PRELID2: variants seen among roughly 807,000 people sequenced by gnomAD.
PRELID2 encodes the protein PRELI domain-containing protein 2.
Under a neutral mutation model 28.4 loss-of-function variants are expected in PRELID2, and 25 were observed. The observed-to-expected ratio is 0.88, with a 90% CI of 0.64 to 1.23. PRELID2 has a LOEUF of 1.23. PRELID2 is among the 50% of genes most tolerant of loss of function. PRELID2 has a pLI of 0.00. For synonymous variants in PRELID2, 76 were observed against 71.6 expected (o/e 1.06, Z -0.31); for missense variants, 201 against 214.4 (o/e 0.94, Z 0.39).
At chr5:145,296,636 G>C in the PRELID2 span, among the ~76,000 whole-genome samples, 1 of 152,122 alleles carries the variant, frequency 6.6e-6, no homozygotes, top group Non-Finnish European at 1.5e-5. Context: ...ATTGTGAATA[G>C]TGCCGCAATA....
intron 1 of PRELID2, among the ~76,000 whole-genome samples, chr5:145,540,234 CT>C (rs1752734676): frequency 6.6e-6 from 1 of 151,892 alleles, no homozygotes; most frequent in Non-Finnish European, 1.5e-5. Context: ...ACTGAATTTA[CT>C]TATATGTTCC....
chr5:145,537,387 G>A (rs544987366), intron 1 of PRELID2, among the ~76,000 whole-genome samples: 34 of 151,858 alleles, frequency 2.2e-4, no homozygotes, highest in East Asian at 3.9e-4. Flanking sequence ...TGATATTTTC[G>A]GGAACCTCCA....
chr5:145,237,770 A>G, the PRELID2 span, among the ~76,000 whole-genome samples: 1 of 152,102 alleles, frequency 6.6e-6, no homozygotes, highest in South Asian at 2.1e-4. Context: ...CTGATAATAA[A>G]GGATCAGCAT....
the PRELID2 span, among the ~76,000 whole-genome samples, chr5:145,331,573 T>C: frequency 6.6e-6 from 1 of 152,182 alleles, no homozygotes; most frequent in Non-Finnish European, 1.5e-5. Context: ...GTCTGTTTTA[T>C]CAGAGACTAG....
intron 1 of PRELID2, among the ~76,000 whole-genome samples, chr5:145,534,573 C>T (rs1431304544): frequency 6.6e-6 from 1 of 151,978 alleles, no homozygotes; most frequent in Non-Finnish European, 1.5e-5. Flanking sequence ...GCTCCCTCCT[C>T]ACCAGTAAAC....
intron 1 of PRELID2, among the ~76,000 whole-genome samples, chr5:145,630,129 C>CATGGATGG (rs61612357): frequency 0.032 from 4,797 of 150,932 alleles, 227 homozygotes; most frequent in African/African-American, 0.11. Flanking sequence ...TGTTTGGATG[C>CATGGATGG]ATGGATGGAT....
At chr5:145,799,503 G>A (rs77772987) in intron 4 of PRELID2, among the ~76,000 whole-genome samples, 6,111 of 152,102 alleles carry the variant, frequency 0.04, 388 homozygotes, top group African/African-American at 0.14. Flanking sequence ...AGTGGAAAAG[G>A]CACACAGGCA....
chr5:145,724,254 A>T (rs1179163339), intron 1 of PRELID2, among the ~76,000 whole-genome samples: 1 of 152,016 alleles, frequency 6.6e-6, no homozygotes, highest in Non-Finnish European at 1.5e-5. Context: ...TGAGACCACA[A>T]TATTATCTTT....
chr5:145,331,859 T>C, the PRELID2 span, among the ~76,000 whole-genome samples: 2 of 152,218 alleles, frequency 1.3e-5, no homozygotes, highest in African/African-American at 4.8e-5. Flanking sequence ...AGTTTCTTCA[T>C]AGTGTTGATG....
chr5:145,323,107 C>T, the PRELID2 span, among the ~76,000 whole-genome samples: 1 of 151,904 alleles, frequency 6.6e-6, no homozygotes, highest in Non-Finnish European at 1.5e-5. Context: ...TAGATTGGTT[C>T]CCAGGGAGGA....
chr5:145,285,167 T>G, the PRELID2 span, among the ~76,000 whole-genome samples: 5 of 152,238 alleles, frequency 3.3e-5, no homozygotes, highest in Admixed American at 3.3e-4. Flanking sequence ...TCTTCTTCCC[T>G]GTCTCAAGGG....
intron 1 of PRELID2, among the ~76,000 whole-genome samples, chr5:145,750,743 A>C (rs1249923441): frequency 1.3e-5 from 2 of 152,224 alleles, no homozygotes; most frequent in Non-Finnish European, 2.9e-5. Context: ...ATAACAGTTA[A>C]AATATATCTG....
At chr5:145,245,224 A>G in the PRELID2 span, among the ~76,000 whole-genome samples, 1 of 152,142 alleles carries the variant, frequency 6.6e-6, no homozygotes, top group Admixed American at 6.6e-5. Flanking sequence ...AAGAAGCTAC[A>G]GTTTAAACTG....
chr5:145,465,683 G>C, the PRELID2 span, among the ~76,000 whole-genome samples: 5 of 152,150 alleles, frequency 3.3e-5, no homozygotes, highest in African/African-American at 1.2e-4. Context: ...GTTAATGATA[G>C]ATCTAAAGTG....
At chr5:145,258,861 C>T in the PRELID2 span, among the ~76,000 whole-genome samples, 1 of 152,266 alleles carries the variant, frequency 6.6e-6, no homozygotes, top group South Asian at 2.1e-4. Context: ...ATTTCAGAGA[C>T]CTTCAGGCCA....
At chr5:145,314,251 T>TAA in the PRELID2 span, among the ~76,000 whole-genome samples, 1 of 152,234 alleles carries the variant, frequency 6.6e-6, no homozygotes, top group African/African-American at 2.4e-5. Flanking sequence ...TTTTAAGAAT[T>TAA]AAAGTGTATG....
At chr5:145,720,017 CATGTG>C (rs1026608372) in intron 1 of PRELID2, among the ~76,000 whole-genome samples, 3 of 150,704 alleles carry the variant, frequency 2.0e-5, no homozygotes, top group Admixed American at 2.0e-4. Flanking sequence ...TGCAAATGAA[CATGTG>C]ATAAGAGGAA....
intron 1 of PRELID2, among the ~76,000 whole-genome samples, chr5:145,668,911 G>T (rs566766295): frequency 1.3e-5 from 2 of 152,066 alleles, no homozygotes; most frequent in African/African-American, 4.8e-5. Context: ...GTCCTGTTAA[G>T]GTCAGGTCCA....
chr5:145,589,484 C>A (rs770799831), intron 1 of PRELID2, among the ~76,000 whole-genome samples: 21 of 152,034 alleles, frequency 1.4e-4, no homozygotes, highest in South Asian at 4.1e-4. Context: ...TTTTCTTTGC[C>A]ATCATAACAG....
Sources: allele counts gnomAD v4.1 joint callset (sites outside exome capture counted in the v4.1 genomes callset), GRCh38; gene constraint gnomAD v4.1.1; transcripts MANE v1.5; gene names NCBI Gene and HGNC (gene_info 2026-07-23, HGNC 2026-07-21).